ADAP1: variants seen among roughly 807,000 people sequenced by gnomAD.
ADAP1 encodes the protein ArfGAP with dual PH domains 1, also known as arf-GAP with dual PH domain-containing protein 1.
In ADAP1, 31 loss-of-function variants were observed where a neutral mutation model predicts 54.9. That is an observed-to-expected ratio of 0.56 (90% CI 0.42 to 0.76). The LOEUF (loss-of-function observed/expected upper bound fraction) is 0.76, where lower values mean the gene tolerates loss of function less well. Among genes scored for constraint, ADAP1 ranks in the 30% least tolerant of loss-of-function variants. The pLI, the probability that ADAP1 is intolerant of heterozygous loss-of-function variation, is 0.00. For synonymous variants in ADAP1, 313 were observed against 202.6 expected (o/e 1.55, Z -4.63); for missense variants, 535 against 512.4 (o/e 1.04, Z -0.42).
At chr7:922,524 G>C (rs145154195) in intron 3 of ADAP1, among the ~76,000 whole-genome samples, 5 of 152,148 alleles carry the variant, frequency 3.3e-5, no homozygotes, top group African/African-American at 1.2e-4. Context: ...TCCCCAGGAC[G>C]GGTCCAGTGG....
chr7:920,647 A>G lies in ADAP1; in HGVS notation c.306-597T>C, dbSNP rs1846157156. ...AGGAGAAACTACCGGCAAATACCCA[A>G]GAATCCAGGAAGACCCGGGATGAGG... On this transcript the variant is annotated intron_variant, in intron 3 of 10. Transcript: ENST00000265846. The surrounding 1 kb of genome is among the most constrained non-coding windows in gnomAD (Gnocchi z 4.5). 5 of 732,298 alleles carry G rather than the reference A, an allele frequency of 6.8e-6. No homozygotes were observed. Among genetic ancestry groups the G allele is most frequent in the Non-Finnish European group, 1.1e-5 (5 of 460,132 alleles). The allele number at this position is 732,298 out of a possible 1,614,324, so 45.4% of individuals were successfully genotyped here.
rs113780388 is a variant in ADAP1, at chr7:926,770, C to T, written c.214-126G>A. On this transcript the variant is annotated intron_variant, in intron 2 of 10. Transcript: ENST00000265846. The surrounding 1 kb of genome is among the most constrained non-coding windows in gnomAD (Gnocchi z 4.6). The stretch of plus-strand genomic sequence containing the variant: ...CAAGGCTCTGAGGGCTCCACCAGCA[C>T]CAGGACGGGAACGCCACCTCCTCCT... 1.7e-5 allele frequency: 14 copies of T among 809,260 alleles called. No homozygotes were observed. The African/African-American group carries it at 1.8e-4, about 10-fold the overall frequency. The allele number at this position is 809,260 out of a possible 1,614,324, so 50.1% of individuals were successfully genotyped here.
chr7:900,479 C>T (rs926425922), intron 7 of ADAP1, 54 bp downstream of exon 7: 1 of 1,374,662 alleles, frequency 7.3e-7, no homozygotes, highest in East Asian at 2.4e-5. Flanking sequence ...TCCGTCCACC[C>T]CCCACCCCAC....
At position 898,522 on chromosome 7, in the gene ADAP1, G is replaced by T. The variant is rs566941021; in HGVS notation, c.*399C>A. On this transcript the variant is annotated 3_prime_UTR_variant, in exon 11 of 11. Transcript: ENST00000265846. ...GAGCAGGGCCCAGTCCCCAGCGGCC[G>T]GCAGCTGCCCACCGTGCTGGCCCCA... The T allele has an allele frequency of 2.4e-5, 7 of 288,406 alleles. No homozygotes were observed. The highest frequency in any genetic ancestry group is 1.5e-4 in the African/African-American group (7 of 46,028). 17.9% of individuals were successfully genotyped at this position (288,406 alleles called of 1,614,324 possible).
intron 1 of ADAP1, 129 bp from the exon 2 acceptor site, chr7:935,634 C>G: frequency 4.0e-6 from 5 of 1,240,146 alleles, no homozygotes; most frequent in African/African-American, 3.1e-5. Context: ...CCCGGGTACA[C>G]CAGGCTCCGT....
In ADAP1 at chr7:900,258, G is replaced by A. The variant is rs559368566; in HGVS notation, c.733-94C>T. 2,236 of 1,490,648 alleles carry A rather than the reference G, an allele frequency of 1.5e-3. 6 individuals are homozygous for A. Among genetic ancestry groups the A allele is most frequent in the Middle Eastern group, 2.6e-3 (15 of 5,816 alleles). The allele number at this position is 1,490,648 out of a possible 1,614,324, so 92.3% of individuals were successfully genotyped here. On this transcript the variant is annotated intron_variant, in intron 7 of 10. Transcript: ENST00000265846. ...CCCCTCTGTGCTCCCCTCACCCCGG[G>A]CCACCAGGTCAGGGCCCAGGCCTGG...
At chr7:901,727 C>T (rs1844825475) in intron 6 of ADAP1, among the ~76,000 whole-genome samples, 2 of 151,664 alleles carry the variant, frequency 1.3e-5, no homozygotes, top group South Asian at 4.2e-4. Context: ...CACACCCACG[C>T]CACCCAACCA....
At chr7:902,474 A>AAATGCCTGGGCGTGGTGGTGCGCGCCT (rs1562907702) in intron 6 of ADAP1, among the ~76,000 whole-genome samples, 5 of 149,330 alleles carry the variant, frequency 3.3e-5, no homozygotes, top group South Asian at 2.1e-4. Flanking sequence ...AAAAAAAAGA[A>AAATGCCTGGGCGTGGTGGTGCGCGCCT]AGAAAAGAAA....
At position 931,330 on chromosome 7, in the gene ADAP1, G is replaced by A. The variant is rs777578576; in HGVS notation, c.213+4045C>T. ...ATTAAATAAGGTAGAGACGACCCAC[G>A]TGTCCATCAGAGGGTGAATGAATAA... On this transcript the variant is annotated intron_variant, in intron 2 of 10. Transcript: ENST00000265846. Among the ~76,000 whole-genome samples the A allele has an allele frequency of 2.0e-5, 3 of 152,166 alleles. No homozygotes were observed. In the South Asian group the frequency reaches 6.2e-4, roughly 32 times the overall value.
At chr7:944,793 A>G (rs1847098268) in intron 1 of ADAP1, among the ~76,000 whole-genome samples, 1 of 152,144 alleles carries the variant, frequency 6.6e-6, no homozygotes, top group Non-Finnish European at 1.5e-5. Context: ...CCCTGTTGTG[A>G]TATCAAATAC....
At chr7:909,576 G>GC (rs1466180695) in intron 4 of ADAP1, among the ~76,000 whole-genome samples, 1 of 152,206 alleles carries the variant, frequency 6.6e-6, no homozygotes, top group East Asian at 1.9e-4. Context: ...CCCATGCCTG[G>GC]CCAGCCCCTT....
At chr7:900,040 C>CA in intron 8 of ADAP1, 62 bp downstream of exon 8, 1 of 1,589,188 alleles carries the variant, frequency 6.3e-7, no homozygotes, top group Non-Finnish European at 8.6e-7. Context: ...TGCTGCACTT[C>CA]AGTCCGAGAC....
In ADAP1 at chr7:926,240, G is replaced by A. The variant is rs911841016; in HGVS notation, c.305+313C>T. Among the ~76,000 whole-genome samples the A allele has an allele frequency of 5.3e-5, 8 of 151,882 alleles. No homozygotes were observed. The highest frequency in any genetic ancestry group is 1.9e-4 in the African/African-American group (8 of 41,342). ...GCCCCTCCCGTTCCCCTCCCAGACC[G>A]CCAGGAGCACCTGGGAGGGCCCCTC... is the stretch of plus-strand genomic sequence containing the variant. On this transcript the variant is annotated intron_variant, in intron 3 of 10. Transcript: ENST00000265846. The surrounding 1 kb of genome is among the most constrained non-coding windows in gnomAD (Gnocchi z 4.6).
rs1254058699 is a variant in ADAP1, at chr7:899,019, C to A, written c.1096+14G>T. 2 of 1,609,708 alleles carry A rather than the reference C, an allele frequency of 1.2e-6. No homozygotes were observed. Among genetic ancestry groups the A allele is most frequent in the South Asian group, 2.2e-5 (2 of 91,028 alleles). On this transcript the variant is annotated intron_variant, in intron 10 of 10. Transcript: ENST00000265846. Reference sequence around the variant, plus strand: ...GGGAGCCCTTCCAGGCCGCCGGCCGCCCGCCCCCCTCACCTGCGTACTCCT... The same window carrying A: ...GGGAGCCCTTCCAGGCCGCCGGCCGACCGCCCCCCTCACCTGCGTACTCCT...
chr7:920,195 C>T lies in ADAP1; in HGVS notation c.306-145G>A, dbSNP rs944303438. On this transcript the variant is annotated intron_variant, in intron 3 of 10. Transcript: ENST00000265846. The surrounding 1 kb of genome is among the most constrained non-coding windows in gnomAD (Gnocchi z 4.5). ...AGCCGCCCCTCTGGGCACAAGATCC[C>T]GGAAGAAATGCAGGGTCAGCCTCCT... 4.7e-6 allele frequency: 3 copies of T among 644,950 alleles called. No individual in the cohort carries two copies. Among genetic ancestry groups the T allele is most frequent in the East Asian group, 2.9e-5 (1 of 34,820 alleles). The allele number at this position is 644,950 out of a possible 1,614,324, so 40.0% of individuals were successfully genotyped here.
intron 1 of ADAP1, among the ~76,000 whole-genome samples, chr7:953,905 G>C (rs369880068): frequency 6.6e-6 from 1 of 152,290 alleles, no homozygotes; most frequent in South Asian, 2.1e-4. Context: ...CCGGGGGCAG[G>C]GGCGCCGCTC....
intron 2 of ADAP1, among the ~76,000 whole-genome samples, chr7:928,066 A>G (rs1014173668): frequency 6.6e-6 from 1 of 151,452 alleles, no homozygotes; most frequent in African/African-American, 2.4e-5. Context: ...AAAAAAAAAA[A>G]AAAATTAGCC....
rs1446345629 is a variant in ADAP1 at position 898,788 on chromosome 7, ACCT to A, written c.*130_*132del. 1 of 1,264,150 alleles carries A rather than the reference ACCT, an allele frequency of 7.9e-7. No homozygotes were observed. The highest frequency in any genetic ancestry group is 1.5e-5 in the African/African-American group (1 of 67,368). 78.3% of individuals were successfully genotyped at this position (1,264,150 alleles called of 1,614,324 possible). ...TCCTGGAAGCTGAAGCTCGGGCCCTACCTGGCCGCGCCGGGCTGCCCTGAGGAG... is the reference window on the plus strand; with the variant it reads ...TCCTGGAAGCTGAAGCTCGGGCCCTAGGCCGCGCCGGGCTGCCCTGAGGAG... On this transcript the variant is annotated 3_prime_UTR_variant, in exon 11 of 11. Transcript: ENST00000265846.
At chr7:906,784 CGGGG>C (rs1554272496) in intron 4 of ADAP1, among the ~76,000 whole-genome samples, 1 of 52,294 alleles carries the variant, frequency 1.9e-5, no homozygotes, top group African/African-American at 6.8e-5. Context: ...ACAGGGGACA[CGGGG>C]GACGGGACAG....
Sources: allele counts gnomAD v4.1 joint callset (sites outside exome capture counted in the v4.1 genomes callset), GRCh38; gene constraint gnomAD v4.1.1; non-coding constraint Gnocchi (gnomAD v3.1); transcripts MANE v1.5; gene names NCBI Gene and HGNC (gene_info 2026-07-23, HGNC 2026-07-21).